The following ZNF423 variants were observed in gnomAD, a reference collection of about 807,000 sequenced individuals.
ZNF423 encodes zinc finger protein 423, also known as Ebf-associated zinc finger protein.
Under a neutral mutation model 95.8 loss-of-function variants are expected in ZNF423, and 12 were observed. The ratio of observed to expected loss-of-function variants is 0.13; its 90% CI spans 0.08 to 0.20. The LOEUF (loss-of-function observed/expected upper bound fraction) is 0.20, where lower values mean the gene tolerates loss of function less well. Among genes scored for constraint, ZNF423 ranks in the 10% least tolerant of loss-of-function variants. The pLI is 1.00. For synonymous variants in ZNF423, 749 were observed against 711.9 expected, an observed-to-expected ratio of 1.05 and a Z score of -0.83; for missense variants, 1,316 against 1,737.1, an observed-to-expected ratio of 0.76 and a Z score of 4.31.
chr16:49,704,974 G>A (rs545984745), intron 3 of ZNF423, among the ~76,000 whole-genome samples: 2 of 152,266 alleles, frequency 1.3e-5, no homozygotes, highest in South Asian at 2.1e-4. Flanking sequence ...CCACCTCCAG[G>A]AGGCCACCCT....
chr16:49,760,341 T>C (rs2033807238), intron 2 of ZNF423, among the ~76,000 whole-genome samples: 1 of 151,326 alleles, frequency 6.6e-6, no homozygotes, highest in Admixed American at 6.6e-5. Flanking sequence ...GGTAGATGTA[T>C]GGATTAATGA....
At chr16:49,691,040 A>G (rs1019745860) in intron 3 of ZNF423, among the ~76,000 whole-genome samples, 9 of 152,246 alleles carry the variant, frequency 5.9e-5, no homozygotes, top group Admixed American at 5.2e-4. Flanking sequence ...GACACTGATG[A>G]CATCCTTCTC....
At chr16:49,611,303 T>C (rs1473490046) in intron 5 of ZNF423, among the ~76,000 whole-genome samples, 1 of 151,952 alleles carries the variant, frequency 6.6e-6, no homozygotes, top group Non-Finnish European at 1.5e-5. Flanking sequence ...ATACATAGTG[T>C]TTTTTCCTAT....
intron 5 of ZNF423, among the ~76,000 whole-genome samples, chr16:49,554,435 GCCGAACATCCTCTC>G: frequency 6.6e-6 from 1 of 152,188 alleles, no homozygotes; most frequent in East Asian, 1.9e-4. Context: ...AAACAATCTG[GCCGAACATCCTCTC>G]CCTACTTTGT....
intron 3 of ZNF423, among the ~76,000 whole-genome samples, chr16:49,670,632 G>C (rs1024931372): frequency 6.6e-6 from 1 of 152,114 alleles, no homozygotes; most frequent in African/African-American, 2.4e-5. Flanking sequence ...TCTGCATCTC[G>C]GGGACGCCTC....
chr16:49,516,742 G>T (rs1968160722), intron 7 of ZNF423, among the ~76,000 whole-genome samples: 1 of 152,198 alleles, frequency 6.6e-6, no homozygotes, highest in Non-Finnish European at 1.5e-5. Context: ...AAAGCACCCT[G>T]AACTTGCTGG....
intron 4 of ZNF423, among the ~76,000 whole-genome samples, chr16:49,631,995 A>G (rs967653499): frequency 1.1e-4 from 16 of 152,172 alleles, no homozygotes; most frequent in African/African-American, 3.9e-4. Context: ...TAGGTGACAG[A>G]AAGCTAGTGG....
At chr16:49,619,889 T>C (rs889353514) in intron 5 of ZNF423, among the ~76,000 whole-genome samples, 4 of 152,108 alleles carry the variant, frequency 2.6e-5, no homozygotes, top group Non-Finnish European at 5.9e-5. Context: ...TGTATCTCCC[T>C]GGAGCTGGGG....
chr16:49,612,937 T>A (rs1005761887), intron 5 of ZNF423, among the ~76,000 whole-genome samples: 3 of 150,090 alleles, frequency 2.0e-5, no homozygotes, highest in Admixed American at 6.6e-5. Flanking sequence ...GCTCAAAAAA[T>A]TAAAATAATT....
At chr16:49,522,317 T>G (rs1216851574) in intron 7 of ZNF423, among the ~76,000 whole-genome samples, 1 of 152,164 alleles carries the variant, frequency 6.6e-6, no homozygotes, top group Non-Finnish European at 1.5e-5. Flanking sequence ...GAAGGTGGCG[T>G]GCATCATTTC....
At chr16:49,639,417 T>A (rs1002608401) in intron 3 of ZNF423, among the ~76,000 whole-genome samples, 32 of 152,178 alleles carry the variant, frequency 2.1e-4, no homozygotes, top group Admixed American at 1.7e-3. Context: ...TCTCTGGGTA[T>A]GGGTGGACTG....
intron 1 of ZNF423, among the ~76,000 whole-genome samples, chr16:49,818,244 G>A (rs1225380081): frequency 6.6e-6 from 1 of 151,978 alleles, no homozygotes; most frequent in Non-Finnish European, 1.5e-5. Context: ...AAAAATACCT[G>A]GAGGGATTGC....
At chr16:49,654,676 C>T (rs1211552382) in intron 3 of ZNF423, among the ~76,000 whole-genome samples, 4 of 152,224 alleles carry the variant, frequency 2.6e-5, no homozygotes, top group African/African-American at 9.6e-5. Context: ...TGGTAGGACC[C>T]GTGATCATTT....
At chr16:49,831,502 G>A (rs1006176708) in intron 1 of ZNF423, among the ~76,000 whole-genome samples, 15 of 152,212 alleles carry the variant, frequency 9.9e-5, no homozygotes, top group African/African-American at 3.1e-4. Context: ...CCTATAAAGC[G>A]GAACTAATAT....
In ZNF423 at chr16:49,638,014, G is replaced by A. The variant is rs985841675; in HGVS notation, c.1162C>T (p.Arg388Cys). The change falls in exon 4 of 8, where the codon CGT (arginine) becomes TGT (cysteine). Residue 388 changes from arginine (R) to cysteine (C), a missense_variant. This residue lies in a region of ZNF423 where 399 missense variants were observed against 478.5 expected (regional missense o/e 0.83). Transcript: ENST00000563137. This position sits in a 1 kb window ranked among gnomAD's most constrained non-coding sequence, Gnocchi z 5.6. ...AAGGTGGAGTCCGGGGTGGAGCCAC[G>A]CTCCACAGAGGCGCTGGAGTCGGGT... is the stretch of plus-strand genomic sequence containing the variant. Reference protein sequence around the residue: ...ATPDSSASVERGSTPDSTLKP... With the variant: ...ATPDSSASVECGSTPDSTLKP... The A allele has an allele frequency of 1.6e-5, 26 of 1,613,964 alleles. No homozygotes were observed. Among genetic ancestry groups the A allele is most frequent in the South Asian group, 2.2e-5 (2 of 91,078 alleles).
intron 3 of ZNF423, among the ~76,000 whole-genome samples, chr16:49,727,079 T>A (rs945624697): frequency 6.6e-6 from 1 of 152,116 alleles, no homozygotes; most frequent in African/African-American, 2.4e-5. Context: ...GGATTTTTGC[T>A]CTTTTCAGTT....
intron 3 of ZNF423, among the ~76,000 whole-genome samples, chr16:49,645,743 C>A (rs959786538): frequency 6.6e-6 from 1 of 152,126 alleles, no homozygotes; most frequent in Admixed American, 6.5e-5. Context: ...GTGGGAGGGA[C>A]CTGGTGGGAG....
At chr16:49,578,316 G>C (rs746175405) in intron 5 of ZNF423, among the ~76,000 whole-genome samples, 75 of 152,222 alleles carry the variant, frequency 4.9e-4, no homozygotes, top group Middle Eastern at 3.4e-3. Context: ...TGGCTCCAGC[G>C]GGGGAAGGAC....
chr16:49,827,796 CT>C (rs200920688), intron 1 of ZNF423, among the ~76,000 whole-genome samples: 2 of 151,122 alleles, frequency 1.3e-5, no homozygotes, highest in Non-Finnish European at 3.0e-5. Context: ...GTTATGTTGC[CT>C]TTTTTTTTCA....
Sources: gnomAD v4.1 joint callset for allele counts (sites outside exome capture counted in the v4.1 genomes callset) on GRCh38, gnomAD v4.1.1 for gene constraint, gnomAD v4.1.1 regional missense constraint, Gnocchi (gnomAD v3.1) non-coding constraint, MANE v1.5 for transcripts, NCBI Gene and HGNC (gene_info 2026-07-23, HGNC 2026-07-21) for gene names.